Variants in ABCC1 observed in about 807,000 individuals in gnomAD.
ABCC1 encodes the protein multidrug resistance-associated protein 1.
In ABCC1, 83 loss-of-function variants were observed where a neutral mutation model predicts 172.9. The ratio of observed to expected loss-of-function variants is 0.48; its 90% CI spans 0.40 to 0.58. The LOEUF (loss-of-function observed/expected upper bound fraction) is 0.58, where lower values mean the gene tolerates loss of function less well. Among genes scored for constraint, ABCC1 ranks in the 20% least tolerant of loss-of-function variants. ABCC1 has a pLI of 0.00. For missense variants in ABCC1, 1,817 were observed against 2,002.7 expected, an observed-to-expected ratio of 0.91 and a Z score of 1.77; for synonymous variants, 937 against 825.2, an observed-to-expected ratio of 1.14 and a Z score of -2.32.
intron 19 of ABCC1, among the ~76,000 whole-genome samples, chr16:16,095,876 A>G (rs2051452693): frequency 6.6e-6 from 1 of 152,002 alleles, no homozygotes; most frequent in Non-Finnish European, 1.5e-5. Context: ...TGTTAACCTC[A>G]TGGCAAATAT....
At chr16:16,121,953 C>A in intron 23 of ABCC1, 22 bp from the exon 24 acceptor site, 1 of 1,613,768 alleles carries the variant, frequency 6.2e-7, no homozygotes, top group South Asian at 1.1e-5. Context: ...CATCAACTCC[C>A]CGCGTCTGTT....
At chr16:16,102,025 G>T (rs1017451560) in intron 19 of ABCC1, among the ~76,000 whole-genome samples, 8 of 152,062 alleles carry the variant, frequency 5.3e-5, no homozygotes, top group Admixed American at 1.3e-4. Flanking sequence ...TGGTTCCCCA[G>T]TTCAAATGTT....
At chr16:16,049,628 G>A (rs2049347649) in intron 10 of ABCC1, among the ~76,000 whole-genome samples, 2 of 152,022 alleles carry the variant, frequency 1.3e-5, no homozygotes, top group Admixed American at 6.6e-5. Context: ...TGAATTTTGA[G>A]TCCCAATAAC....
At chr16:16,096,933 G>T (rs566887645) in intron 19 of ABCC1, among the ~76,000 whole-genome samples, 9 of 151,490 alleles carry the variant, frequency 5.9e-5, no homozygotes, top group African/African-American at 2.2e-4. Flanking sequence ...AAAAAAGAAA[G>T]AACTCTTGCT....
intron 12 of ABCC1, among the ~76,000 whole-genome samples, chr16:16,063,752 A>G (rs1252010982): frequency 6.6e-6 from 1 of 152,164 alleles, no homozygotes; most frequent in Admixed American, 6.6e-5. Context: ...TGGTTTCTTT[A>G]TTAGCTGGTA....
At chr16:16,104,264 T>G (rs2051952365) in intron 20 of ABCC1, among the ~76,000 whole-genome samples, 1 of 151,692 alleles carries the variant, frequency 6.6e-6, no homozygotes, top group African/African-American at 2.4e-5. Context: ...GCTTTTATTC[T>G]CTTATCTGGC....
In ABCC1 at chr16:16,014,592, C is replaced by T. The variant is rs1198778723; in HGVS notation, c.453C>T (p.Ala151=). 16 of 1,614,054 alleles carry T rather than the reference C, an allele frequency of 9.9e-6. No homozygotes were observed. Among genetic ancestry groups the T allele is most frequent in the Non-Finnish European group, 1.3e-5 (15 of 1,180,006 alleles). The change falls in exon 4 of 31, where the codon GCC becomes GCT. Residue 151 remains alanine (A), a synonymous_variant. Coordinates refer to ENST00000399410, the MANE Select transcript of ABCC1 (RefSeq NM_004996.4). ...FWLVALVCAL[A]ILRSKIMTAL... is the part of the protein sequence containing the mutation. Reference sequence around the variant, plus strand: ...TGGTAGCCCTAGTGTGTGCCCTAGCCATCCTGAGATCCAAAATTATGACAG... The same window carrying T: ...TGGTAGCCCTAGTGTGTGCCCTAGCTATCCTGAGATCCAAAATTATGACAG...
At chr16:16,055,075 C>A (rs1355178348) in intron 11 of ABCC1, among the ~76,000 whole-genome samples, 5 of 152,006 alleles carry the variant, frequency 3.3e-5, no homozygotes, top group Non-Finnish European at 7.4e-5. Context: ...ACAAGAAATA[C>A]AAAAATGAAC....
At chr16:16,061,764 C>CT (rs974531887) in intron 12 of ABCC1, among the ~76,000 whole-genome samples, 38 of 139,168 alleles carry the variant, frequency 2.7e-4, no homozygotes, top group Non-Finnish European at 5.1e-4. Context: ...CTTTTTTTTT[C>CT]TTTTTTTCTT....
rs1567298886 is a variant in ABCC1, at chr16:15,999,813, T to TCTCTCTC, written c.49-8002_49-7996dup. The stretch of plus-strand genomic sequence containing the variant: ...TCTCTCTCTCTCTCTCTCTCTCCTC[T>TCTCTCTC]CTCTCTCTCTCTCTCTCTCTGTCTC... On this transcript the variant is annotated intron_variant, in intron 1 of 30. Coordinates refer to ENST00000399410, the MANE Select transcript of ABCC1 (RefSeq NM_004996.4). 1.7e-3 allele frequency among the ~76,000 whole-genome samples: 92 copies of TCTCTCTC among 55,080 alleles called. 1 individual carries two copies. Among genetic ancestry groups the TCTCTCTC allele is most frequent in the African/African-American group, 6.1e-3 (88 of 14,372 alleles). The allele number at this position is 55,080 out of a possible 152,430, so 36.1% of individuals were successfully genotyped here. A position where few individuals can be genotyped will look rare whatever the true frequency, so the allele number is the denominator to read the frequency against.
At chr16:15,954,744 A>G (rs1446634344) in intron 1 of ABCC1, among the ~76,000 whole-genome samples, 1 of 152,042 alleles carries the variant, frequency 6.6e-6, no homozygotes, top group Non-Finnish European at 1.5e-5. Context: ...GACAAGTTCC[A>G]TTTGTGATAG....
chr16:15,952,744 A>T (rs1039824447), intron 1 of ABCC1, among the ~76,000 whole-genome samples: 1 of 108,020 alleles, frequency 9.3e-6, no homozygotes, highest in Non-Finnish European at 1.9e-5. Context: ...AAAAAAAAAA[A>T]GCAGGCCGGG....
At chr16:16,118,825 C>G (rs1339548882) in intron 23 of ABCC1, among the ~76,000 whole-genome samples, 2 of 144,154 alleles carry the variant, frequency 1.4e-5, no homozygotes, top group African/African-American at 5.2e-5. Flanking sequence ...TTTTTAATGG[C>G]TTTTGGCTAA....
chr16:15,964,408 A>G (rs2046201272), intron 1 of ABCC1, among the ~76,000 whole-genome samples: 1 of 152,174 alleles, frequency 6.6e-6, no homozygotes, highest in South Asian at 2.1e-4. Context: ...AAGGATCAGG[A>G]GAACAGCATG....
chr16:16,116,497 A>G (rs1473425590), intron 23 of ABCC1, among the ~76,000 whole-genome samples: 1 of 152,172 alleles, frequency 6.6e-6, no homozygotes, highest in East Asian at 1.9e-4. Context: ...GTAATTTATA[A>G]TAATAAAATA....
rs2047997071 is a variant in ABCC1, at chr16:16,016,378, T to C, written c.490-118T>C. 3.0e-6 allele frequency: 4 copies of C among 1,316,540 alleles called. No homozygotes were observed. In the South Asian group the frequency reaches 5.3e-5, roughly 17 times the overall value. The allele number at this position is 1,316,540 out of a possible 1,614,324, so 81.6% of individuals were successfully genotyped here. A position where few individuals can be genotyped will look rare whatever the true frequency, so the allele number is the denominator to read the frequency against. ...CATGTTGACCAGGATGGTCTCCAACTCTTGACCTCAGGTGTTCTGCCTGTC... is the reference window on the plus strand; with the variant it reads ...CATGTTGACCAGGATGGTCTCCAACCCTTGACCTCAGGTGTTCTGCCTGTC... On this transcript the variant is annotated intron_variant, in intron 4 of 30. Coordinates refer to ENST00000399410, the MANE Select transcript of ABCC1 (RefSeq NM_004996.4).
At chr16:16,106,536 T>G (rs1463536431) in intron 20 of ABCC1, 2 of 573,878 alleles carry the variant, frequency 3.5e-6, no homozygotes, top group South Asian at 2.6e-5. Flanking sequence ...AGACACTGCC[T>G]TTCTCTGGGT....
chr16:16,118,482 G>A (rs1043680917), intron 23 of ABCC1, among the ~76,000 whole-genome samples: 11 of 129,472 alleles, frequency 8.5e-5, no homozygotes, highest in East Asian at 7.2e-4. Flanking sequence ...GTGTTCATAC[G>A]CAAGCTGGAA....
chr16:16,068,074 C>T (rs552770160), intron 12 of ABCC1, 82 bp from the exon 13 acceptor site: 7 of 1,554,652 alleles, frequency 4.5e-6, no homozygotes, highest in South Asian at 3.4e-5. Flanking sequence ...GGCCCAAGCG[C>T]GTCTCCAGGG....
Sources: allele counts gnomAD v4.1 joint callset (sites outside exome capture counted in the v4.1 genomes callset), GRCh38; gene constraint gnomAD v4.1.1; transcripts MANE v1.5; gene names NCBI Gene and HGNC (gene_info 2026-07-23, HGNC 2026-07-21).